The following TENM1 variants were observed in gnomAD, a reference collection of about 807,000 sequenced individuals.
The protein encoded by TENM1 is teneurin-1.
A neutral mutation model predicts 174.8 loss-of-function variants in TENM1; 35 were observed. That is an observed-to-expected ratio of 0.20 (90% confidence interval 0.15 to 0.27). The LOEUF (loss-of-function observed/expected upper bound fraction) is 0.27. Among genes scored for constraint, TENM1 ranks in the 10% least tolerant of loss-of-function variants. The pLI is 1.00. For synonymous variants in TENM1, 781 were observed against 798.7 expected (o/e 0.98, Z 0.37); for missense variants, 1,633 against 2,130.1 (o/e 0.77, Z 4.59).
chrX:124,526,827 C>T (rs930270249), intron 16 of TENM1, among the ~76,000 whole-genome samples: 6 of 112,005 alleles, frequency 5.4e-5, no homozygotes, highest in Non-Finnish European at 1.1e-4. Flanking sequence ...CAAAGGGAAC[C>T]CTCTCTTCAT....
intron 19 of TENM1, 46 bp downstream of exon 22, chrX:124,503,514 C>T: frequency 8.8e-7 from 1 of 1,130,686 alleles, no homozygotes. Context: ...ATGTATTATA[C>T]AGCATTAGGA....
chrX:124,561,184 C>T (rs759837844), intron 14 of TENM1, among the ~76,000 whole-genome samples: 2 of 112,025 alleles, frequency 1.8e-5, no homozygotes, highest in African/African-American at 6.5e-5. Flanking sequence ...ACTATGCTAA[C>T]ATCAAACAAC....
intron 3 of TENM1, among the ~76,000 whole-genome samples, chrX:124,807,275 C>T (rs2055626588): frequency 9.0e-6 from 1 of 111,656 alleles, no homozygotes; most frequent in Non-Finnish European, 1.9e-5. Context: ...GGACAAATAT[C>T]CAAATTCTAT....
chrX:124,891,995 T>C (rs1033984389), intron 3 of TENM1, among the ~76,000 whole-genome samples: 3 of 111,890 alleles, frequency 2.7e-5, no homozygotes, highest in Non-Finnish European at 5.6e-5. Flanking sequence ...TTAACAATGA[T>C]TGTTAGGATA....
At chrX:125,082,542 T>C in the TENM1 span, among the ~76,000 whole-genome samples, 49 of 111,309 alleles carry the variant, frequency 4.4e-4, 1 homozygote, top group South Asian at 3.8e-4. Flanking sequence ...CTTGAGGGCA[T>C]AGTTGATTAT....
the TENM1 span, among the ~76,000 whole-genome samples, chrX:125,111,023 T>A: frequency 8.9e-6 from 1 of 112,231 alleles, no homozygotes; most frequent in Admixed American, 9.5e-5. Context: ...TCTGGGCACA[T>A]GGTAGGTACT....
Position 124,548,695 on chromosome X carries a change from G to GGCT in TENM1, c.2435-1608_2435-1606dup, listed in dbSNP as rs1027918759. The stretch of plus-strand genomic sequence containing the variant: ...TTCGGATGGATCACCGTCTCCTTAA[G>GGCT]GCTGCTGCTGCAGCAAGTTACTAGC... On this transcript the variant is annotated intron_variant, in intron 14 of 31. Transcript: ENST00000422452. 1.9e-3 allele frequency among the ~76,000 whole-genome samples: 209 copies of GGCT among 111,677 alleles called. 1 individual carries two copies. Among genetic ancestry groups the GGCT allele is most frequent in the African/African-American group, 6.4e-3 (198 of 30,756 alleles).
At chrX:124,447,290 C>G (rs1185609149) in intron 23 of TENM1, among the ~76,000 whole-genome samples, 1 of 111,471 alleles carries the variant, frequency 9.0e-6, no homozygotes, top group Non-Finnish European at 1.9e-5. Flanking sequence ...GGCTGAGCAT[C>G]TAGGAAGCTG....
intron 1 of TENM1, among the ~76,000 whole-genome samples, chrX:124,902,211 GAGTT>G (rs1161014134): frequency 8.9e-6 from 1 of 112,139 alleles, no homozygotes; most frequent in Non-Finnish European, 1.9e-5. Context: ...AATGGGAAAA[GAGTT>G]AGTAGTTTCA....
chrX:125,154,106 A>ACAAT, the TENM1 span, among the ~76,000 whole-genome samples: 2 of 112,478 alleles, frequency 1.8e-5, no homozygotes. Flanking sequence ...AAAAGAAAAT[A>ACAAT]CAATCAATTA....
chrX:125,162,323 T>G, the TENM1 span, among the ~76,000 whole-genome samples: 1 of 112,380 alleles, frequency 8.9e-6, no homozygotes, highest in Non-Finnish European at 1.9e-5. Context: ...TCACTATAGC[T>G]TCTATCACTG....
At chrX:124,704,865 A>G in intron 5 of TENM1, 148 bp downstream of exon 8, 1 of 464,521 alleles carries the variant, frequency 2.2e-6, no homozygotes, top group Non-Finnish European at 3.7e-6. Flanking sequence ...GAAGAAAAAA[A>G]AAAAAGAAGA....
intron 3 of TENM1, among the ~76,000 whole-genome samples, chrX:124,881,695 A>G (rs2057305626): frequency 9.6e-6 from 1 of 104,383 alleles, no homozygotes; most frequent in South Asian, 4.0e-4. Context: ...GCTGTATCCC[A>G]TAGTTTTTGT....
intron 6 of TENM1, among the ~76,000 whole-genome samples, chrX:124,664,508 AT>A (rs1329790058): frequency 6.4e-5 from 6 of 94,434 alleles, no homozygotes; most frequent in Non-Finnish European, 1.0e-4. Flanking sequence ...GTTCCAAGGC[AT>A]TTATGTCTCA....
At chrX:125,012,257 C>T in the TENM1 span, among the ~76,000 whole-genome samples, 11 of 111,324 alleles carry the variant, frequency 9.9e-5, no homozygotes, top group South Asian at 3.8e-4. Context: ...ACCTACATGA[C>T]GGATTGATAG....
At chrX:125,160,175 TGGG>T in the TENM1 span, among the ~76,000 whole-genome samples, 3 of 95,316 alleles carry the variant, frequency 3.1e-5, no homozygotes, top group Non-Finnish European at 4.1e-5. Flanking sequence ...CACTCTAACT[TGGG>T]GGACAGGGTG....
intron 27 of TENM1, among the ~76,000 whole-genome samples, chrX:124,400,419 C>T (rs1012958825): frequency 9.8e-5 from 11 of 111,999 alleles, no homozygotes; most frequent in African/African-American, 3.6e-4. Flanking sequence ...CATCTGAACA[C>T]TCACGTTTCA....
chrX:124,645,067 T>C, intron 10 of TENM1, 76 bp downstream of exon 13: 2 of 1,037,901 alleles, frequency 1.9e-6, no homozygotes, highest in Non-Finnish European at 2.7e-6. Flanking sequence ...GCATCTCTAC[T>C]AGGAGAACAG....
intron 11 of TENM1, among the ~76,000 whole-genome samples, chrX:124,572,752 T>C (rs1454011809): frequency 9.1e-6 from 1 of 110,275 alleles, no homozygotes; most frequent in Admixed American, 9.7e-5. Context: ...GAACACGTAC[T>C]TTTTTTTTCT....
Sources: allele counts gnomAD v4.1 joint callset (sites outside exome capture counted in the v4.1 genomes callset), GRCh38; gene constraint gnomAD v4.1.1; transcripts MANE v1.5; gene names NCBI Gene and HGNC (gene_info 2026-07-23, HGNC 2026-07-21).